The following CAAP1 variants were observed in gnomAD, a reference collection of about 807,000 sequenced individuals.
CAAP1 encodes conserved anti-apoptotic protein.
A neutral mutation model predicts 34.0 loss-of-function variants in CAAP1; 20 were observed. The ratio of observed to expected loss-of-function variants is 0.59; its 90% confidence interval spans 0.41 to 0.86. CAAP1 has a LOEUF of 0.86. CAAP1 is among the 40% of genes least tolerant of loss of function. The pLI is 0.00. For missense variants in CAAP1, 538 were observed against 450.5 expected, an observed-to-expected ratio of 1.19 and a Z score of -1.76; for synonymous variants, 213 against 166.7, an observed-to-expected ratio of 1.28 and a Z score of -2.14.
rs1009095009 is a variant in CAAP1, at chr9:26,842,072, G to C, written c.*229C>G. The C allele has an allele frequency of 1.8e-5, 7 of 391,260 alleles. No individual in the cohort carries two copies. The highest frequency in any genetic ancestry group is 2.7e-5 in the Non-Finnish European group (6 of 220,722). The allele number at this position is 391,260 out of a possible 1,614,324, so 24.2% of individuals were successfully genotyped here. A position where few individuals can be genotyped will look rare whatever the true frequency, so the allele number is the denominator to read the frequency against. On this transcript the variant is annotated 3_prime_UTR_variant, in exon 6 of 6. Transcript: ENST00000333916. ...AAATACTCATCTAACAAAGTATCCA[G>C]GCTATCCAACTATATTGCCATGAAT...
At chr9:26,883,443 T>C (rs1823650488) in intron 4 of CAAP1, among the ~76,000 whole-genome samples, 1 of 152,156 alleles carries the variant, frequency 6.6e-6, no homozygotes, top group Non-Finnish European at 1.5e-5. Context: ...ATTAAATCTC[T>C]TTTTCCTTAT....
chr9:26,883,092 C>T (rs1823637872), intron 4 of CAAP1, among the ~76,000 whole-genome samples: 1 of 152,124 alleles, frequency 6.6e-6, no homozygotes, highest in Admixed American at 6.5e-5. Context: ...GGACTGTAGA[C>T]TTTTGAGTTA....
intron 4 of CAAP1, among the ~76,000 whole-genome samples, chr9:26,874,355 A>C (rs1734523519): frequency 6.6e-6 from 1 of 152,096 alleles, no homozygotes; most frequent in Admixed American, 6.6e-5. Context: ...TCTCAAACTC[A>C]ACATTTCTTT....
chr9:26,877,008 G>A lies in CAAP1; in HGVS notation c.665+7802C>T, dbSNP rs140924138. ...GTCTCTACAAAAAATTTAAAAGTAA[G>A]CCAGGGATGGTAACACAGGCCTATA... On this transcript the variant is annotated intron_variant, in intron 4 of 5. Coordinates refer to ENST00000333916, the MANE Select transcript of CAAP1 (RefSeq NM_024828.4). 2.1e-3 allele frequency among the ~76,000 whole-genome samples: 318 copies of A among 152,186 alleles called. 1 individual carries two copies. The highest frequency in any genetic ancestry group is 7.3e-3 in the African/African-American group (303 of 41,546).
At chr9:26,868,536 G>C (rs1275152677) in intron 4 of CAAP1, among the ~76,000 whole-genome samples, 1 of 152,134 alleles carries the variant, frequency 6.6e-6, no homozygotes, top group African/African-American at 2.4e-5. Flanking sequence ...TTTCACTTCT[G>C]ACCTCCAGAA....
At chr9:26,874,798 T>A (rs1823385293) in intron 4 of CAAP1, among the ~76,000 whole-genome samples, 1 of 152,062 alleles carries the variant, frequency 6.6e-6, no homozygotes, top group South Asian at 2.1e-4. Flanking sequence ...AGTAGGGAAA[T>A]AATCTTTAAA....
intron 4 of CAAP1, among the ~76,000 whole-genome samples, chr9:26,868,087 T>A (rs17694140): frequency 6.6e-6 from 1 of 152,208 alleles, no homozygotes; most frequent in South Asian, 2.1e-4. Flanking sequence ...CTGCTTTTAT[T>A]TGAAAGTCAA....
chr9:26,865,775 A>G (rs1024681556), intron 4 of CAAP1, among the ~76,000 whole-genome samples: 1 of 152,190 alleles, frequency 6.6e-6, no homozygotes, highest in Non-Finnish European at 1.5e-5. Context: ...GTAGGATTCT[A>G]TTTTCCAGAT....
At position 26,847,551 on chromosome 9, in the gene CAAP1, G is replaced by C. The variant is rs577355237; in HGVS notation, c.740-4904C>G. On this transcript the variant is annotated intron_variant, in intron 5 of 5. Coordinates refer to ENST00000333916, the MANE Select transcript of CAAP1 (RefSeq NM_024828.4). ...TTTTTAATTTACATTTATCTGATTA[G>C]AAATTAGGTTGAGCATTCTTTTCCA... Among the ~76,000 whole-genome samples the C allele has an allele frequency of 4.6e-5, 7 of 152,090 alleles. No individual in the cohort carries two copies. In the South Asian group the frequency reaches 1.5e-3, roughly 32 times the overall value.
chr9:26,869,965 G>A (rs748950667), intron 4 of CAAP1: 61 of 984,056 alleles, frequency 6.2e-5, no homozygotes, highest in Non-Finnish European at 6.9e-5. Context: ...AGCAGGATGA[G>A]GCAGTAAATT....
intron 5 of CAAP1, among the ~76,000 whole-genome samples, chr9:26,847,446 C>T (rs755881120): frequency 6.6e-6 from 1 of 151,414 alleles, no homozygotes; most frequent in Admixed American, 6.6e-5. Context: ...GATCTCCTGA[C>T]CTCGTGATCC....
intron 5 of CAAP1, among the ~76,000 whole-genome samples, chr9:26,858,591 G>A (rs1030791772): frequency 2.0e-5 from 3 of 152,158 alleles, no homozygotes; most frequent in Admixed American, 6.5e-5. Context: ...GGGAGGCTAA[G>A]GCAGGCAGAT....
At chr9:26,874,634 T>C (rs979778450) in intron 4 of CAAP1, among the ~76,000 whole-genome samples, 12 of 152,342 alleles carry the variant, frequency 7.9e-5, no homozygotes, top group African/African-American at 2.9e-4. Context: ...ATGGATGTTG[T>C]ATCTTCACAG....
At chr9:26,866,501 T>A (rs1178734052) in intron 4 of CAAP1, among the ~76,000 whole-genome samples, 1 of 152,220 alleles carries the variant, frequency 6.6e-6, no homozygotes, top group Admixed American at 6.5e-5. Flanking sequence ...CCTTTTAAAA[T>A]CTTTGTATTA....
At chr9:26,849,964 G>A (rs1034211331) in intron 5 of CAAP1, among the ~76,000 whole-genome samples, 1 of 151,538 alleles carries the variant, frequency 6.6e-6, no homozygotes. Flanking sequence ...TCAGCCTCGC[G>A]AGTAGCTGGG....
rs756727151 is a variant in CAAP1, at chr9:26,887,433, G to T, written c.384C>A (p.Asp128Glu). ...TAACTGGTTTCAATGACACAGTCAG[G>T]TCCAGTCCACCTTCTTCAAGGTCAC... Reference protein sequence around the residue: ...EHSDLEEGGLDLTVSLKPVSF... With the variant: ...EHSDLEEGGLELTVSLKPVSF... The change falls in exon 2 of 6, where the codon GAC becomes GAA. Residue 128 changes from aspartate (D) to glutamate (E), a missense_variant. Asp to Glu is a conservative substitution (Grantham distance 45). Transcript: ENST00000333916. The T allele has an allele frequency of 3.1e-6, 5 of 1,613,462 alleles. No individual in the cohort carries two copies. The highest frequency in any genetic ancestry group is 4.2e-6 in the Non-Finnish European group (5 of 1,179,762).
In CAAP1 at chr9:26,884,867, G is replaced by C. The variant is rs1452402008; in HGVS notation, c.608C>G (p.Ser203Cys). The part of the protein sequence containing the change: ...KILEGDNGMD[S>C]DMEEEADDGS... ...ATCATCTGCTTCCTCTTCCATATCA[G>C]AGTCCATTCCATTGTCACCTTATAA... The change falls in exon 4 of 6, where the codon TCT (serine) becomes TGT (cysteine). Residue 203 changes from serine (S) to cysteine (C), a missense_variant. Coordinates refer to ENST00000333916, the MANE Select transcript of CAAP1 (RefSeq NM_024828.4). The C allele has an allele frequency of 6.2e-7, 1 of 1,608,286 alleles. No homozygotes were observed. Among genetic ancestry groups the C allele is most frequent in the South Asian group, 1.1e-5 (1 of 90,918 alleles).
chr9:26,888,046 C>A (rs560204974), intron 1 of CAAP1, among the ~76,000 whole-genome samples: 1 of 152,178 alleles, frequency 6.6e-6, no homozygotes, highest in Non-Finnish European at 1.5e-5. Flanking sequence ...TGTCTCCCAA[C>A]TCTATCCAGT....
At chr9:26,863,336 G>C (rs1466948189) in intron 4 of CAAP1, among the ~76,000 whole-genome samples, 3 of 151,780 alleles carry the variant, frequency 2.0e-5, no homozygotes. Context: ...GAAGTAAATG[G>C]GGAAAAAAAA....
Sources: gnomAD v4.1 joint callset for allele counts (sites outside exome capture counted in the v4.1 genomes callset) on GRCh38, gnomAD v4.1.1 for gene constraint, MANE v1.5 for transcripts, NCBI Gene and HGNC (gene_info 2026-07-23, HGNC 2026-07-21) for gene names.